Variants in SKAP2 observed in about 807,000 individuals in gnomAD.
SKAP2 encodes src kinase associated phosphoprotein 2.
Under a neutral mutation model 54.9 loss-of-function variants are expected in SKAP2, and 28 were observed. The observed-to-expected ratio is 0.51, with a 90% CI of 0.38 to 0.70. The LOEUF is 0.70. Ranked by LOEUF, SKAP2 falls within the 30% of genes least tolerant of loss-of-function variation. The pLI is 0.00. For missense variants in SKAP2, 356 were observed against 424.1 expected, an observed-to-expected ratio of 0.84 and a Z score of 1.41; for synonymous variants, 137 against 134.3, an observed-to-expected ratio of 1.02 and a Z score of -0.14.
intron 4 of SKAP2, among the ~76,000 whole-genome samples, chr7:26,808,741 C>T (rs1420203175): frequency 1.3e-5 from 2 of 152,150 alleles, no homozygotes; most frequent in Non-Finnish European, 2.9e-5. Flanking sequence ...TCTCTCTATA[C>T]CTTAATTTCT....
At chr7:26,704,100 G>A (rs1787107752) in intron 9 of SKAP2, among the ~76,000 whole-genome samples, 1 of 152,168 alleles carries the variant, frequency 6.6e-6, no homozygotes, top group South Asian at 2.1e-4. Context: ...ACTCTTCAAT[G>A]ATAAAATAAT....
chr7:26,847,343 T>TC (rs938153406), intron 3 of SKAP2, among the ~76,000 whole-genome samples: 2 of 151,920 alleles, frequency 1.3e-5, no homozygotes, highest in African/African-American at 4.8e-5. Flanking sequence ...TCCCTTTTCC[T>TC]CCCCCCTAAT....
chr7:26,675,192 C>T (rs1255996426), intron 11 of SKAP2, among the ~76,000 whole-genome samples: 3 of 152,170 alleles, frequency 2.0e-5, no homozygotes, highest in Non-Finnish European at 1.5e-5. Flanking sequence ...ACTAACTCTC[C>T]ACTGCATTAA....
intron 4 of SKAP2, among the ~76,000 whole-genome samples, chr7:26,766,154 T>C (rs1033928604): frequency 4.6e-5 from 7 of 152,212 alleles, no homozygotes; most frequent in African/African-American, 1.7e-4. Context: ...CCTTGAGCAG[T>C]GGTTTGTAGT....
chr7:26,700,790 T>G (rs1787003392), intron 9 of SKAP2, among the ~76,000 whole-genome samples: 1 of 152,188 alleles, frequency 6.6e-6, no homozygotes, highest in Non-Finnish European at 1.5e-5. Flanking sequence ...TTTCTACTGT[T>G]TTTGAAGTTT....
At chr7:26,837,838 C>T (rs1325924277) in intron 4 of SKAP2, among the ~76,000 whole-genome samples, 1 of 139,738 alleles carries the variant, frequency 7.2e-6, no homozygotes, top group African/African-American at 2.5e-5. Flanking sequence ...GTCTTATCAA[C>T]ACTCCCTTAA....
rs1262138203 is a variant in SKAP2 at position 26,826,645 on chromosome 7, T to TC, written c.307+17384dup. Among the ~76,000 whole-genome samples, 3 of 152,298 alleles carry TC rather than the reference T, an allele frequency of 2.0e-5. No individual in the cohort carries two copies. The East Asian group carries it at 5.8e-4, about 29-fold the overall frequency. On this transcript the variant is annotated intron_variant, in intron 4 of 12. Coordinates refer to ENST00000345317, the MANE Select transcript of SKAP2 (RefSeq NM_003930.5). Reference sequence around the variant, plus strand: ...TTAATGTTATCAAGTCTGTCTTTATTCCCACCATAATTACCGTCTTCTTTC... The same window carrying TC: ...TTAATGTTATCAAGTCTGTCTTTATTCCCCACCATAATTACCGTCTTCTTTC...
intron 4 of SKAP2, among the ~76,000 whole-genome samples, chr7:26,806,699 CT>C (rs1247306213): frequency 2.0e-5 from 3 of 152,122 alleles, no homozygotes; most frequent in Admixed American, 6.6e-5. Flanking sequence ...GCAAAAAAGC[CT>C]TTTTGCTGAT....
chr7:26,851,777 G>T (rs1785049974), intron 3 of SKAP2, among the ~76,000 whole-genome samples: 1 of 151,642 alleles, frequency 6.6e-6, no homozygotes, highest in Admixed American at 6.6e-5. Flanking sequence ...TAAATCTCAG[G>T]ATGGGAGATT....
At chr7:26,799,833 T>C (rs1783872447) in intron 4 of SKAP2, among the ~76,000 whole-genome samples, 1 of 151,920 alleles carries the variant, frequency 6.6e-6, no homozygotes, top group African/African-American at 2.4e-5. Context: ...CTTAAAACAT[T>C]CAAAAAAACA....
At chr7:26,744,420 G>A (rs1782516799) in intron 4 of SKAP2, among the ~76,000 whole-genome samples, 1 of 151,898 alleles carries the variant, frequency 6.6e-6, no homozygotes, top group Non-Finnish European at 1.5e-5. Flanking sequence ...TTAGGACAAA[G>A]AAAAGTAGAA....
intron 9 of SKAP2, among the ~76,000 whole-genome samples, chr7:26,695,012 T>C (rs1786866409): frequency 1.3e-5 from 2 of 152,176 alleles, no homozygotes; most frequent in Non-Finnish European, 1.5e-5. Context: ...ACCATTTAGC[T>C]GACACTGCTT....
chr7:26,755,586 CCT>C (rs1369334257), intron 4 of SKAP2, among the ~76,000 whole-genome samples: 1 of 152,046 alleles, frequency 6.6e-6, no homozygotes, highest in African/African-American at 2.4e-5. Context: ...TGTAGTGTTT[CCT>C]GAGCTCTCCC....
rs548983102 is a variant in SKAP2, at chr7:26,788,004, G to A, written c.308-48040C>T. ...CTGAATAGCTGGGATTATCAACATG[G>A]GATGTAGGCAGGGGCAAATATTCAA... is the stretch of plus-strand genomic sequence containing the variant. On this transcript the variant is annotated intron_variant, in intron 4 of 12. Coordinates refer to ENST00000345317, the MANE Select transcript of SKAP2 (RefSeq NM_003930.5). 3.2e-4 allele frequency among the ~76,000 whole-genome samples: 48 copies of A among 152,122 alleles called. 1 individual carries two copies. The South Asian group carries it at 9.8e-3, about 31-fold the overall frequency.
intron 4 of SKAP2, among the ~76,000 whole-genome samples, chr7:26,806,285 A>T (rs1343343926): frequency 2.0e-5 from 3 of 152,124 alleles, no homozygotes; most frequent in Non-Finnish European, 4.4e-5. Context: ...CAAAAGCTAG[A>T]CTCACTTTTG....
chr7:26,733,578 T>C lies in SKAP2; in HGVS notation c.469+5217A>G, dbSNP rs188140934. Among the ~76,000 whole-genome samples, 1,063 of 152,232 alleles carry C rather than the reference T, an allele frequency of 7.0e-3. 11 individuals are homozygous for C. Among genetic ancestry groups the C allele is most frequent in the Middle Eastern group, 0.044 (13 of 294 alleles). ...TTCAACATCAAAATATATTTTATAA[T>C]TTTCAAACTTCAAAGAGAACATATA... On this transcript the variant is annotated intron_variant, in intron 6 of 12. Coordinates refer to ENST00000345317, the MANE Select transcript of SKAP2 (RefSeq NM_003930.5).
intron 3 of SKAP2, chr7:26,848,174 G>A (rs1784964625): frequency 6.6e-6 from 1 of 152,274 alleles, no homozygotes; most frequent in East Asian, 1.9e-4. Flanking sequence ...GCCTAGAGAT[G>A]TAGCCCAACA....
intron 4 of SKAP2, among the ~76,000 whole-genome samples, chr7:26,798,794 GTT>G (rs1237795915): frequency 1.3e-5 from 2 of 152,116 alleles, no homozygotes; most frequent in Non-Finnish European, 2.9e-5. Flanking sequence ...GTGTTTAACA[GTT>G]TGCTTTTTGC....
chr7:26,745,267 C>G (rs557781709), intron 4 of SKAP2, among the ~76,000 whole-genome samples: 2 of 152,190 alleles, frequency 1.3e-5, no homozygotes, highest in Non-Finnish European at 2.9e-5. Context: ...AATTTTCACT[C>G]TGAGTCAAGA....
Sources: gnomAD v4.1 joint callset for allele counts (sites outside exome capture counted in the v4.1 genomes callset) on GRCh38, gnomAD v4.1.1 for gene constraint, MANE v1.5 for transcripts, NCBI Gene and HGNC (gene_info 2026-07-23, HGNC 2026-07-21) for gene names.